The following IYD variants were observed in gnomAD, a reference collection of about 807,000 sequenced individuals.
IYD encodes iodotyrosine deiodinase 1.
Under a neutral mutation model 28.4 loss-of-function variants are expected in IYD, and 25 were observed. The ratio of observed to expected loss-of-function variants is 0.88; its 90% CI spans 0.64 to 1.23. The LOEUF (loss-of-function observed/expected upper bound fraction) is 1.23. Ranked by LOEUF, IYD falls within the 50% of genes most tolerant of loss-of-function variation. The probability of loss-of-function intolerance (pLI) is 0.00; values close to 1 mark genes in which losing one functional copy is unlikely to be tolerated. For missense variants in IYD, 352 were observed against 357.9 expected, an observed-to-expected ratio of 0.98 and a Z score of 0.13; for synonymous variants, 140 against 130.8, an observed-to-expected ratio of 1.07 and a Z score of -0.48.
chr6:150,370,703 G>C, intron 1 of IYD: 3 of 978,818 alleles, frequency 3.1e-6, no homozygotes, highest in Non-Finnish European at 3.6e-6. Flanking sequence ...CTGGATGGTG[G>C]GGGCAGGTGG....
At position 150,392,236 on chromosome 6, in the gene IYD, A is replaced by G. The variant is rs528625024; in HGVS notation, c.371-109A>G. ...TCTGCAAAATTTTGTTTGATCCTCC[A>G]GCTCCAGCCTCCCAAAGTGCTTGGA... is the stretch of plus-strand genomic sequence containing the variant. On this transcript the variant is annotated intron_variant, in intron 2 of 4. Transcript: ENST00000344419. 3.2e-6 allele frequency: 5 copies of G among 1,573,254 alleles called. No individual in the cohort carries two copies. The South Asian group carries it at 5.7e-5, about 18-fold the overall frequency.
At chr6:150,392,070 A>T (rs1161594772) in intron 2 of IYD, among the ~76,000 whole-genome samples, 1 of 151,758 alleles carries the variant, frequency 6.6e-6, no homozygotes, top group African/African-American at 2.4e-5. Context: ...ACAGGATGTC[A>T]CTCTGTTGCC....
At chr6:150,396,133 A>G in intron 4 of IYD, 1 of 244,256 alleles carries the variant, frequency 4.1e-6, no homozygotes, top group Non-Finnish European at 7.8e-6. Flanking sequence ...CTGTAAAATG[A>G]TATGAAAATA....
At chr6:150,393,785 A>C (rs1441095837) in intron 3 of IYD, among the ~76,000 whole-genome samples, 1 of 152,134 alleles carries the variant, frequency 6.6e-6, no homozygotes, top group Admixed American at 6.5e-5. Flanking sequence ...TTTTGGCTAA[A>C]CCTCACTGCC....
chr6:150,370,034 A>T, intron 1 of IYD: 1 of 702,260 alleles, frequency 1.4e-6, no homozygotes, highest in Non-Finnish European at 2.6e-6. Flanking sequence ...GAGAGCGTGG[A>T]GGAAGCTTGA....
At chr6:150,395,349 G>A in intron 4 of IYD, 1 of 1,400,730 alleles carries the variant, frequency 7.1e-7, no homozygotes, top group Non-Finnish European at 9.7e-7. Context: ...AAACATGTAT[G>A]TTGAATAACA....
At chr6:150,395,060 G>T (rs1384745685) in intron 4 of IYD, among the ~76,000 whole-genome samples, 1 of 152,178 alleles carries the variant, frequency 6.6e-6, no homozygotes, top group Non-Finnish European at 1.5e-5. Context: ...GAGCTCAAGT[G>T]ATTCACTCTT....
intron 2 of IYD, 134 bp from the exon 3 acceptor site, chr6:150,392,211 T>C (rs77159495): frequency 2.2e-6 from 3 of 1,366,416 alleles, no homozygotes; most frequent in Non-Finnish European, 3.0e-6. Flanking sequence ...AAAAAAAAAA[T>C]CTGCAAAATT....
intron 1 of IYD, among the ~76,000 whole-genome samples, chr6:150,388,962 A>C (rs912464347): frequency 1.3e-5 from 2 of 152,044 alleles, no homozygotes; most frequent in Admixed American, 6.5e-5. Flanking sequence ...TTGGCCTCCC[A>C]AAATGCTGGG....
At chr6:150,396,030 C>A in intron 4 of IYD, 3 of 246,956 alleles carry the variant, frequency 1.2e-5, no homozygotes, top group South Asian at 1.0e-4. Context: ...ATATACAAGC[C>A]TTTATTAATA....
chr6:150,385,349 GT>G (rs1209928620), intron 1 of IYD, among the ~76,000 whole-genome samples: 7 of 152,038 alleles, frequency 4.6e-5, no homozygotes, highest in Admixed American at 6.6e-5. Context: ...ATGTGGTGGG[GT>G]TTTTCCCCCC....
rs952444443 is a variant in IYD at position 150,400,218 on chromosome 6, T to A, written c.*1981T>A. ...CCCCATCAGAGACCAACTTGAAAGA[T>A]TTTTTTCTCTGTGTAGTTCGTGTTA... On this transcript the variant is annotated 3_prime_UTR_variant, in exon 5 of 5. Transcript: ENST00000344419. The A allele has an allele frequency of 6.6e-6, 1 of 152,164 alleles. No homozygotes were observed. Among genetic ancestry groups the A allele is most frequent in the Non-Finnish European group, 1.5e-5 (1 of 68,028 alleles). 9.4% of individuals were successfully genotyped at this position (152,164 alleles called of 1,614,324 possible).
intron 1 of IYD, chr6:150,370,434 TGA>T (rs1777199755): frequency 1.1e-6 from 1 of 879,254 alleles, no homozygotes; most frequent in Non-Finnish European, 1.4e-6. Flanking sequence ...AGTGTGTTTG[TGA>T]GAGAGTGTGT....
intron 4 of IYD, among the ~76,000 whole-genome samples, chr6:150,394,647 G>A (rs926893785): frequency 6.6e-6 from 1 of 152,188 alleles, no homozygotes; most frequent in Non-Finnish European, 1.5e-5. Context: ...CTTCATAGAG[G>A]CCCTTTTCTG....
chr6:150,379,904 C>T (rs574014557), intron 1 of IYD, among the ~76,000 whole-genome samples: 2 of 152,296 alleles, frequency 1.3e-5, no homozygotes, highest in South Asian at 2.1e-4. Context: ...ATTTGGACCC[C>T]GTTGGGTTAT....
chr6:150,387,000 A>G (rs1777888323), intron 1 of IYD, among the ~76,000 whole-genome samples: 1 of 152,102 alleles, frequency 6.6e-6, no homozygotes, highest in Non-Finnish European at 1.5e-5. Flanking sequence ...CCCGAGGTAA[A>G]CTTTTTCTCT....
At chr6:150,389,893 A>G (rs1281297613) in intron 2 of IYD, among the ~76,000 whole-genome samples, 2 of 152,180 alleles carry the variant, frequency 1.3e-5, no homozygotes, top group Non-Finnish European at 2.9e-5. Context: ...AACACACCAG[A>G]CATACACACA....
At chr6:150,378,186 A>ATT (rs1478215748) in intron 1 of IYD, among the ~76,000 whole-genome samples, 14 of 151,430 alleles carry the variant, frequency 9.2e-5, no homozygotes, top group South Asian at 8.4e-4. Flanking sequence ...ATTTTATTTT[A>ATT]TTATTATTAT....
At chr6:150,395,343 A>G (rs1778271514) in intron 4 of IYD, 1 of 1,317,876 alleles carries the variant, frequency 7.6e-7, no homozygotes, top group African/African-American at 1.5e-5. Context: ...AAAGAAAAAC[A>G]TGTATGTTGA....
Sources: allele counts gnomAD v4.1 joint callset (sites outside exome capture counted in the v4.1 genomes callset), GRCh38; gene constraint gnomAD v4.1.1; transcripts MANE v1.5; gene names NCBI Gene and HGNC (gene_info 2026-07-23, HGNC 2026-07-21).